Variants in NHS observed in about 807,000 individuals in gnomAD.
The protein encoded by NHS is actin remodeling regulator NHS.
In NHS, 5 loss-of-function variants were observed where a neutral mutation model predicts 72.5. The observed-to-expected ratio is 0.07, with a 90% CI of 0.04 to 0.14. The LOEUF (loss-of-function observed/expected upper bound fraction) is 0.14, where lower values mean the gene tolerates loss of function less well. NHS is among the 10% of genes least tolerant of loss of function. The pLI is 1.00. For synonymous variants in NHS, 464 were observed against 547.7 expected (o/e 0.85, Z 2.13); for missense variants, 1,072 against 1,355.7 (o/e 0.79, Z 3.29).
At chrX:17,407,132 G>A (rs142658093) in intron 1 of NHS, among the ~76,000 whole-genome samples, 1,510 of 111,608 alleles carry the variant, frequency 0.014, 10 homozygotes, top group Non-Finnish European at 0.019. Flanking sequence ...GAGCATGACC[G>A]ACATCTAATA....
chrX:17,619,186 G>A (rs1302553165), intron 1 of NHS, among the ~76,000 whole-genome samples: 1 of 112,042 alleles, frequency 8.9e-6, no homozygotes, highest in African/African-American at 3.2e-5. Context: ...CCTCCAAATA[G>A]TCTCTCCTTA....
intron 1 of NHS, among the ~76,000 whole-genome samples, chrX:17,562,799 A>C (rs780963089): frequency 8.9e-6 from 1 of 112,111 alleles, no homozygotes; most frequent in Non-Finnish European, 1.9e-5. Context: ...CACTGAAAAC[A>C]AATGTTACCT....
intron 1 of NHS, among the ~76,000 whole-genome samples, chrX:17,537,112 A>T (rs1202611831): frequency 8.9e-6 from 1 of 112,522 alleles, no homozygotes; most frequent in African/African-American, 3.2e-5. Context: ...TTACAAAAAA[A>T]GGATAAGTGG....
intron 1 of NHS, among the ~76,000 whole-genome samples, chrX:17,526,422 C>T (rs770716099): frequency 8.9e-6 from 1 of 112,396 alleles, no homozygotes; most frequent in Non-Finnish European, 1.9e-5. Context: ...ATGGTGATCA[C>T]GGAATTCTGA....
At chrX:17,557,814 A>T (rs772556997) in intron 1 of NHS, among the ~76,000 whole-genome samples, 43 of 112,012 alleles carry the variant, frequency 3.8e-4, no homozygotes, top group African/African-American at 1.4e-3. Context: ...TTGGATTCTC[A>T]TGGGCCATTG....
At chrX:17,589,665 C>CTTTTTTTTTTTTTTTTTTTTTTATT (rs1569288982) in intron 1 of NHS, among the ~76,000 whole-genome samples, 3 of 110,890 alleles carry the variant, frequency 2.7e-5, no homozygotes, top group African/African-American at 6.6e-5. Flanking sequence ...GTATCTTTTT[C>CTTTTTTTTTTTTTTTTTTTTTTATT]ATATGACTTA....
intron 1 of NHS, among the ~76,000 whole-genome samples, chrX:17,410,536 T>G (rs2064552842): frequency 9.4e-6 from 1 of 106,152 alleles, no homozygotes; most frequent in Non-Finnish European, 1.9e-5. Flanking sequence ...TTTTTTTTTT[T>G]TCCAGACCTT....
Position 17,723,785 on chromosome X carries a change from G to GCGCA in NHS, c.1109-513_1109-512insGCAC, listed in dbSNP as rs1569318402. Among the ~76,000 whole-genome samples the GCGCA allele has an allele frequency of 3.1e-4, 33 of 107,956 alleles. 1 individual carries two copies. The highest frequency in any genetic ancestry group is 9.9e-4 in the African/African-American group (29 of 29,391). 93.7% of individuals were successfully genotyped at this position (107,956 alleles called of 115,157 possible). Reference sequence around the variant, plus strand: ...TGTGTGTGTGTGCGCGCGCGTGCGCGCATGGGGAATGCAAGAAGGTTTGGA... The same window carrying GCGCA: ...TGTGTGTGTGTGCGCGCGCGTGCGCGCGCACATGGGGAATGCAAGAAGGTTTGGA... On this transcript the variant is annotated intron_variant, in intron 5 of 8. Transcript: ENST00000676302.
Position 17,726,233 on chromosome X carries a change from G to T in NHS, c.2127G>T (p.Leu709=). 1.7e-6 allele frequency: 2 copies of T among 1,212,078 alleles called. No individual in the cohort carries two copies. The highest frequency in any genetic ancestry group is 2.2e-6 in the Non-Finnish European group (2 of 895,624). Residue 709 remains leucine (L), a synonymous_variant, in exon 7 of 9, where the codon CTG becomes CTT. Coordinates refer to ENST00000676302, the MANE Select transcript of NHS (RefSeq NM_001291867.2). Reference sequence around the variant, plus strand: ...CCTTTACCTCCACTGTTGCAGACCTGCTGGATGATCCCAACAACAGCAACA... The same window carrying T: ...CCTTTACCTCCACTGTTGCAGACCTTCTGGATGATCCCAACAACAGCAACA... ...ANSFTSTVAD[L]LDDPNNSNTS... is the part of the protein sequence containing the mutation.
chrX:17,405,444 T>C (rs1307943247), intron 1 of NHS, among the ~76,000 whole-genome samples: 2 of 111,539 alleles, frequency 1.8e-5, no homozygotes, highest in African/African-American at 3.3e-5. Context: ...TTCATCTTGA[T>C]TCTTAGGTGA....
intron 4 of NHS, among the ~76,000 whole-genome samples, chrX:17,719,981 T>C (rs1192003204): frequency 9.2e-6 from 1 of 108,564 alleles, no homozygotes; most frequent in Admixed American, 9.8e-5. Flanking sequence ...AATCAGTTTC[T>C]CTCTCTCTCT....
chrX:17,434,577 G>T (rs1417335545), intron 1 of NHS, among the ~76,000 whole-genome samples: 2 of 108,076 alleles, frequency 1.9e-5, no homozygotes, highest in Non-Finnish European at 3.8e-5. Context: ...CTGGGTAGCT[G>T]GGACTACAGG....
chrX:17,659,269 C>CT (rs2065971685), intron 1 of NHS, among the ~76,000 whole-genome samples: 1 of 112,058 alleles, frequency 8.9e-6, no homozygotes, highest in African/African-American at 3.2e-5. Context: ...TGGAGGGGCC[C>CT]TTTTTAAGCT....
intron 3 of NHS, among the ~76,000 whole-genome samples, chrX:17,696,584 G>C (rs2066232022): frequency 1.8e-5 from 2 of 111,810 alleles, no homozygotes; most frequent in African/African-American, 6.5e-5. Context: ...GCCTTTCTTT[G>C]GTAAGAAACA....
intron 1 of NHS, among the ~76,000 whole-genome samples, chrX:17,461,819 T>C (rs2064848866): frequency 8.9e-6 from 1 of 112,935 alleles, no homozygotes; most frequent in South Asian, 3.6e-4. Flanking sequence ...GATCTGGCTT[T>C]TGGCTGGCCA....
intron 1 of NHS, among the ~76,000 whole-genome samples, chrX:17,607,741 A>C (rs1038362709): frequency 8.1e-5 from 9 of 110,463 alleles, no homozygotes; most frequent in Non-Finnish European, 1.3e-4. Flanking sequence ...TGAGGAACCA[A>C]ATTTTTAATT....
intron 1 of NHS, among the ~76,000 whole-genome samples, chrX:17,526,232 G>A (rs2065172664): frequency 8.9e-6 from 1 of 112,716 alleles, no homozygotes; most frequent in Admixed American, 9.3e-5. Flanking sequence ...CTGTGGTTGA[G>A]CTCAGTGGTT....
At chrX:17,525,644 T>C (rs1293840826) in intron 1 of NHS, among the ~76,000 whole-genome samples, 11 of 104,267 alleles carry the variant, frequency 1.1e-4, no homozygotes, top group African/African-American at 2.1e-4. Flanking sequence ...TTTTCTTTTT[T>C]TTTTTTTTTT....
chrX:17,419,895 T>C (rs1258286441), intron 1 of NHS, among the ~76,000 whole-genome samples: 5 of 112,105 alleles, frequency 4.5e-5, no homozygotes, highest in Non-Finnish European at 9.4e-5. Flanking sequence ...TCTTTCCTAA[T>C]ATTTCTAGAT....
Sources: allele counts gnomAD v4.1 joint callset (sites outside exome capture counted in the v4.1 genomes callset), GRCh38; gene constraint gnomAD v4.1.1; transcripts MANE v1.5; gene names NCBI Gene and HGNC (gene_info 2026-07-23, HGNC 2026-07-21).